The following NRXN3 variants were observed in gnomAD, a reference collection of about 807,000 sequenced individuals.
NRXN3 encodes neurexin III.
A neutral mutation model predicts 137.6 loss-of-function variants in NRXN3; 32 were observed. That is an observed-to-expected ratio of 0.23 (90% CI 0.18 to 0.31). NRXN3 has a LOEUF of 0.31. NRXN3 is among the 10% of genes least tolerant of loss of function. NRXN3 has a pLI of 1.00. For missense variants in NRXN3, 1,574 were observed against 2,062.5 expected, an observed-to-expected ratio of 0.76 and a Z score of 4.59; for synonymous variants, 798 against 784.5, an observed-to-expected ratio of 1.02 and a Z score of -0.29.
Position 79,442,945 on chromosome 14 carries a change from G to A in NRXN3, c.3263-24276G>A, listed in dbSNP as rs963373371. 1.2e-4 allele frequency among the ~76,000 whole-genome samples: 19 copies of A among 152,282 alleles called. 1 individual carries two copies. In the South Asian group the frequency reaches 1.9e-3, roughly 15 times the overall value. Reference sequence around the variant, plus strand: ...GTTTAGTGTTTATGGCAATCCTCCCGATGGGGAGAGAAATGAGCCGGCGAG... The same window carrying A: ...GTTTAGTGTTTATGGCAATCCTCCCAATGGGGAGAGAAATGAGCCGGCGAG... On this transcript the variant is annotated intron_variant, in intron 15 of 20. Transcript: ENST00000335750.
chr14:79,113,501 A>C (rs982033276), intron 15 of NRXN3, among the ~76,000 whole-genome samples: 1 of 152,238 alleles, frequency 6.6e-6, no homozygotes, highest in East Asian at 1.9e-4. Context: ...CTTTATCCTA[A>C]AGCAAATCAA....
intron 15 of NRXN3, among the ~76,000 whole-genome samples, chr14:79,126,333 C>T (rs1236988412): frequency 1.4e-5 from 2 of 148,140 alleles, no homozygotes; most frequent in African/African-American, 2.5e-5. Flanking sequence ...CCCCGCCCCA[C>T]CCCACGACCG....
At chr14:79,846,687 T>C (rs758983127) in intron 20 of NRXN3, among the ~76,000 whole-genome samples, 1 of 152,214 alleles carries the variant, frequency 6.6e-6, no homozygotes, top group Non-Finnish European at 1.5e-5. Flanking sequence ...GTGACCCTAC[T>C]GTACCCTACG....
At position 78,890,983 on chromosome 14, in the gene NRXN3, C is replaced by T. The variant is rs137934983; in HGVS notation, c.2276-66259C>T. Among the ~76,000 whole-genome samples, 84 of 151,982 alleles carry T rather than the reference C, an allele frequency of 5.5e-4. 1 individual carries two copies. The highest frequency in any genetic ancestry group is 1.5e-3 in the African/African-American group (62 of 41,490). ...AAATATGCTAAAAGTAAGGCACCAA[C>T]GGTAATAAGTAGTATAGGTAATTTT... On this transcript the variant is annotated intron_variant, in intron 10 of 20. Transcript: ENST00000335750.
At chr14:78,636,890 A>G (rs766392743) in intron 4 of NRXN3, among the ~76,000 whole-genome samples, 21 of 152,106 alleles carry the variant, frequency 1.4e-4, no homozygotes, top group Non-Finnish European at 2.4e-4. Flanking sequence ...TCCCTATATT[A>G]CATAAATTAT....
chr14:78,258,737 T>C (rs1347793833), intron 2 of NRXN3, among the ~76,000 whole-genome samples: 1 of 151,842 alleles, frequency 6.6e-6, no homozygotes, highest in Non-Finnish European at 1.5e-5. Context: ...GGGCTTGCAG[T>C]TGAAAATTAC....
At chr14:78,729,874 A>G (rs769473069) in intron 8 of NRXN3, among the ~76,000 whole-genome samples, 2 of 152,224 alleles carry the variant, frequency 1.3e-5, no homozygotes, top group African/African-American at 2.4e-5. Context: ...GGAGGAACAA[A>G]TGAAAGAATG....
chr14:78,274,457 C>A (rs1388027068), intron 2 of NRXN3, among the ~76,000 whole-genome samples: 1 of 152,172 alleles, frequency 6.6e-6, no homozygotes, highest in African/African-American at 2.4e-5. Flanking sequence ...AGTGTAACTG[C>A]CCCCATGATT....
intron 4 of NRXN3, among the ~76,000 whole-genome samples, chr14:78,533,101 T>C (rs2096491234): frequency 7.1e-6 from 1 of 140,208 alleles, no homozygotes; most frequent in Non-Finnish European, 1.5e-5. Flanking sequence ...CCTCCAGCCT[T>C]TTTTTTTTTT....
chr14:79,718,369 A>G (rs915437310), intron 19 of NRXN3, among the ~76,000 whole-genome samples: 23 of 152,338 alleles, frequency 1.5e-4, no homozygotes, highest in Admixed American at 2.6e-4. Flanking sequence ...CAGGGACTGA[A>G]ACAGACAGGG....
At chr14:79,567,601 T>C (rs1321716647) in intron 16 of NRXN3, among the ~76,000 whole-genome samples, 1 of 152,180 alleles carries the variant, frequency 6.6e-6, no homozygotes, top group African/African-American at 2.4e-5. Context: ...TATTTGCTCT[T>C]GGTGTGTGAC....
At chr14:78,445,560 G>T (rs1412206973) in intron 4 of NRXN3, among the ~76,000 whole-genome samples, 1 of 152,080 alleles carries the variant, frequency 6.6e-6, no homozygotes, top group East Asian at 1.9e-4. Context: ...GTTGCATTAG[G>T]CCCCTCCCCA....
chr14:78,634,778 T>C (rs2097552505), intron 4 of NRXN3, among the ~76,000 whole-genome samples: 1 of 152,198 alleles, frequency 6.6e-6, no homozygotes, highest in Non-Finnish European at 1.5e-5. Flanking sequence ...TTCTTATTCT[T>C]GTTACATACA....
chr14:79,759,683 TC>T (rs2099031773), intron 19 of NRXN3, among the ~76,000 whole-genome samples: 1 of 151,664 alleles, frequency 6.6e-6, no homozygotes, highest in Non-Finnish European at 1.5e-5. Flanking sequence ...TATCTGCTAT[TC>T]CTGACATAAA....
chr14:78,423,974 A>G (rs2093562696), intron 4 of NRXN3, among the ~76,000 whole-genome samples: 1 of 152,234 alleles, frequency 6.6e-6, no homozygotes, highest in African/African-American at 2.4e-5. Context: ...GAGCATCTTA[A>G]GTGAATTCCA....
intron 15 of NRXN3, among the ~76,000 whole-genome samples, chr14:79,001,382 C>T (rs2099541090): frequency 6.6e-6 from 1 of 152,222 alleles, no homozygotes; most frequent in Non-Finnish European, 1.5e-5. Flanking sequence ...AAACCCTACA[C>T]TTGGCTTTCA....
At chr14:78,533,591 G>T (rs1433827864) in intron 4 of NRXN3, among the ~76,000 whole-genome samples, 1 of 152,152 alleles carries the variant, frequency 6.6e-6, no homozygotes, top group Non-Finnish European at 1.5e-5. Context: ...ACAGTTGCTA[G>T]TGGTTCCCTG....
At chr14:79,153,028 T>G (rs571245112) in intron 15 of NRXN3, among the ~76,000 whole-genome samples, 32 of 152,108 alleles carry the variant, frequency 2.1e-4, no homozygotes, top group African/African-American at 6.7e-4. Flanking sequence ...ACAATGAGAT[T>G]AAGGAAGCCA....
Position 78,709,208 on chromosome 14 carries a change from T to G in NRXN3, c.1222-9T>G. The stretch of plus-strand genomic sequence containing the variant: ...GATTCACATGGCACTTTTGTTTGGC[T>G]TTTGACAGGTTGTTTATAAGAATAA... On this transcript the variant is annotated splice_polypyrimidine_tract_variant and intron_variant, in intron 6 of 20. Transcript: ENST00000335750. 6.2e-7 allele frequency: 1 copy of G among 1,604,374 alleles called. No homozygotes were observed. Among genetic ancestry groups the G allele is most frequent in the Non-Finnish European group, 8.5e-7 (1 of 1,174,960 alleles).
Sources: gnomAD v4.1 joint callset for allele counts (sites outside exome capture counted in the v4.1 genomes callset) on GRCh38, gnomAD v4.1.1 for gene constraint, MANE v1.5 for transcripts, NCBI Gene and HGNC (gene_info 2026-07-23, HGNC 2026-07-21) for gene names.